Variants in ROBO1 observed in about 807,000 individuals in gnomAD.
ROBO1 encodes roundabout guidance receptor 1.
A neutral mutation model predicts 195.9 loss-of-function variants in ROBO1; 149 were observed. The ratio of observed to expected loss-of-function variants is 0.76; its 90% CI spans 0.67 to 0.87. The LOEUF is 0.87. Among genes scored for constraint, ROBO1 ranks in the 40% least tolerant of loss-of-function variants. The pLI is 0.00. For synonymous variants in ROBO1, 816 were observed against 733.2 expected, an observed-to-expected ratio of 1.11 and a Z score of -1.82; for missense variants, 1,933 against 2,068.3, an observed-to-expected ratio of 0.93 and a Z score of 1.27.
intron 2 of ROBO1, among the ~76,000 whole-genome samples, chr3:79,584,962 ACT>A (rs1943782758): frequency 6.6e-6 from 1 of 151,788 alleles, no homozygotes; most frequent in African/African-American, 2.4e-5. Context: ...AAAAAGTAAC[ACT>A]CAGAGAATAT....
At chr3:78,620,369 G>T (rs1386227600) in intron 26 of ROBO1, among the ~76,000 whole-genome samples, 1 of 151,964 alleles carries the variant, frequency 6.6e-6, no homozygotes, top group Non-Finnish European at 1.5e-5. Flanking sequence ...AAAATTAGCC[G>T]GGTGTGGTGG....
chr3:79,252,022 G>GA (rs768714495), intron 2 of ROBO1, among the ~76,000 whole-genome samples: 120 of 132,818 alleles, frequency 9.0e-4, no homozygotes, highest in Admixed American at 1.8e-3. Flanking sequence ...CAATTTTAAA[G>GA]AAAAAAAAAA....
At chr3:79,649,077 A>G (rs985331582) in intron 1 of ROBO1, among the ~76,000 whole-genome samples, 7 of 152,096 alleles carry the variant, frequency 4.6e-5, no homozygotes, top group South Asian at 2.1e-4. Flanking sequence ...AAAATCCTCA[A>G]TGTCAATCCC....
At chr3:79,266,595 C>T (rs1031554725) in intron 2 of ROBO1, among the ~76,000 whole-genome samples, 1 of 151,458 alleles carries the variant, frequency 6.6e-6, no homozygotes, top group Non-Finnish European at 1.5e-5. Flanking sequence ...ACTAGAGGAT[C>T]ATTTTTCTAA....
chr3:79,113,322 C>T (rs928048085), intron 3 of ROBO1, among the ~76,000 whole-genome samples: 12 of 151,866 alleles, frequency 7.9e-5, no homozygotes, highest in African/African-American at 2.7e-4. Flanking sequence ...TGCCAGTTTT[C>T]GATTACATAA....
intron 2 of ROBO1, among the ~76,000 whole-genome samples, chr3:79,503,732 T>G (rs1940242811): frequency 6.6e-6 from 1 of 152,340 alleles, no homozygotes; most frequent in East Asian, 1.9e-4. Context: ...TTCAGTCTAC[T>G]ATATAAAATG....
intron 2 of ROBO1, among the ~76,000 whole-genome samples, chr3:79,524,917 G>A (rs1346150017): frequency 6.6e-6 from 1 of 151,756 alleles, no homozygotes; most frequent in East Asian, 1.9e-4. Context: ...GTGTGTTTTT[G>A]TATACATATA....
intron 2 of ROBO1, among the ~76,000 whole-genome samples, chr3:79,312,833 A>C (rs2033549864): frequency 6.6e-6 from 1 of 152,270 alleles, no homozygotes. Context: ...CTTGCCCTTA[A>C]GTTTTACCCT....
intron 4 of ROBO1, among the ~76,000 whole-genome samples, chr3:78,845,827 C>A (rs76689223): frequency 1.3e-5 from 2 of 152,098 alleles, no homozygotes; most frequent in African/African-American, 4.8e-5. Context: ...AGGTAATACA[C>A]GTGATTATGA....
intron 2 of ROBO1, among the ~76,000 whole-genome samples, chr3:79,149,365 ATC>A (rs1183826679): frequency 4.0e-5 from 6 of 151,766 alleles, no homozygotes. Flanking sequence ...TGCTTATATT[ATC>A]TATCTATTTT....
chr3:78,663,437 G>A lies in ROBO1; in HGVS notation c.1967-1323C>T, dbSNP rs556059349. 9.2e-5 allele frequency among the ~76,000 whole-genome samples: 14 copies of A among 152,130 alleles called. No homozygotes were observed. In the South Asian group the frequency reaches 2.7e-3, roughly 29 times the overall value. ...GATAACTATTATCACAGCCTCTACG[G>A]AGTAAACACTTGATTGTCACCTTTC... On this transcript the variant is annotated intron_variant, in intron 14 of 30. Coordinates refer to ENST00000464233, the MANE Select transcript of ROBO1 (RefSeq NM_002941.4).
chr3:79,607,542 T>A (rs1944526854), intron 1 of ROBO1, among the ~76,000 whole-genome samples: 1 of 151,476 alleles, frequency 6.6e-6, no homozygotes, highest in South Asian at 2.1e-4. Context: ...TTCTTAAAAT[T>A]TTTTCCTCAT....
At chr3:78,721,976 T>C (rs570296063) in intron 5 of ROBO1, among the ~76,000 whole-genome samples, 18 of 152,014 alleles carry the variant, frequency 1.2e-4, no homozygotes, top group Admixed American at 1.1e-3. Flanking sequence ...CATGAAAAAA[T>C]TCCAATTTCA....
chr3:78,820,928 A>C (rs1576231944), intron 4 of ROBO1, among the ~76,000 whole-genome samples: 1 of 152,196 alleles, frequency 6.6e-6, no homozygotes, highest in Non-Finnish European at 1.5e-5. Context: ...CATATAATCT[A>C]AACTGTGTTG....
rs1288804331 is a variant in ROBO1 at position 79,335,962 on chromosome 3, C to A, written c.89-210423G>T. On this transcript the variant is annotated intron_variant, in intron 2 of 30. Transcript: ENST00000464233. ...TCTTGGGAACTGGAAAAAAGGTGACCCTTGCTGTGCTTTAGCAAAGAGACT... is the reference window on the plus strand; with the variant it reads ...TCTTGGGAACTGGAAAAAAGGTGACACTTGCTGTGCTTTAGCAAAGAGACT... Among the ~76,000 whole-genome samples, 6 of 152,198 alleles carry A rather than the reference C, an allele frequency of 3.9e-5. 1 individual carries two copies. In the South Asian group the frequency reaches 1.2e-3, roughly 32 times the overall value.
At chr3:79,457,725 C>T (rs1380960171) in intron 2 of ROBO1, among the ~76,000 whole-genome samples, 1 of 152,140 alleles carries the variant, frequency 6.6e-6, no homozygotes, top group Non-Finnish European at 1.5e-5. Flanking sequence ...CTTTCACCTG[C>T]CACCACGTGA....
intron 4 of ROBO1, among the ~76,000 whole-genome samples, chr3:78,794,385 T>C (rs1002077655): frequency 3.3e-5 from 5 of 152,202 alleles, no homozygotes; most frequent in African/African-American, 1.2e-4. Context: ...ACTGTTGTCT[T>C]ATTTTAAATT....
intron 4 of ROBO1, among the ~76,000 whole-genome samples, chr3:78,909,795 G>A (rs1050732823): frequency 1.3e-5 from 2 of 151,740 alleles, no homozygotes; most frequent in Non-Finnish European, 1.5e-5. Flanking sequence ...CACCACCAGT[G>A]TATTTTAGTA....
chr3:78,888,386 A>G (rs1391311372), intron 4 of ROBO1, among the ~76,000 whole-genome samples: 1 of 152,158 alleles, frequency 6.6e-6, no homozygotes, highest in East Asian at 1.9e-4. Context: ...GGGAAGGTGG[A>G]GTTTAAACTA....
Sources: gnomAD v4.1 joint callset for allele counts (sites outside exome capture counted in the v4.1 genomes callset) on GRCh38, gnomAD v4.1.1 for gene constraint, MANE v1.5 for transcripts, NCBI Gene and HGNC (gene_info 2026-07-23, HGNC 2026-07-21) for gene names.